The following PCDHGA2 variants were observed in gnomAD, a reference collection of about 807,000 sequenced individuals.
PCDHGA2 encodes protocadherin gamma subfamily A, 2.
PCDHGA2 carries 40 observed loss-of-function variants against 59.2 expected under a neutral mutation model. The ratio of observed to expected loss-of-function variants is 0.68; its 90% CI spans 0.52 to 0.88. PCDHGA2 has a LOEUF of 0.88. PCDHGA2 is among the 40% of genes least tolerant of loss of function. PCDHGA2 has a pLI of 0.00. For missense variants in PCDHGA2, 1,226 were observed against 1,204.0 expected (o/e 1.02, Z -0.27); for synonymous variants, 560 against 526.0 (o/e 1.06, Z -0.89).
chr5:141,432,717 C>T lies in PCDHGA2; in HGVS notation c.2425-62090C>T. On this transcript the variant is annotated intron_variant, in intron 1 of 3. Transcript: ENST00000394576. The surrounding 1 kb of genome is among the most constrained non-coding windows in gnomAD (Gnocchi z 6.0). ...GCCGTCCAGGACCACGGCCAGCCCC[C>T]TCTCTCCGCCACTGTCACGCTCACC... 1 of 1,614,030 alleles carries T rather than the reference C, an allele frequency of 6.2e-7. No individual in the cohort carries two copies. Among genetic ancestry groups the T allele is most frequent in the Non-Finnish European group, 8.5e-7 (1 of 1,179,978 alleles).
chr5:141,355,816 G>T (rs1759996030), intron 1 of PCDHGA2: 1 of 1,613,048 alleles, frequency 6.2e-7, no homozygotes, highest in South Asian at 1.1e-5. Context: ...CGAGGAAGAG[G>T]CGGTTCACCA....
intron 2 of PCDHGA2, 40 bp from the exon 3 acceptor site, chr5:141,505,353 G>T (rs376781305): frequency 1.7e-5 from 27 of 1,613,426 alleles, no homozygotes; most frequent in Non-Finnish European, 2.0e-5. Flanking sequence ...GAGCTGTGCC[G>T]GCCTGGGAGT....
At chr5:141,395,586 G>C (rs1222744910) in intron 1 of PCDHGA2, 1 of 169,736 alleles carries the variant, frequency 5.9e-6, no homozygotes, top group African/African-American at 2.8e-5. Context: ...GTGTGTGTGT[G>C]TGTGTATCCC....
At chr5:141,409,507 T>C (rs1220086382) in intron 1 of PCDHGA2, 3 of 1,613,982 alleles carry the variant, frequency 1.9e-6, no homozygotes, top group South Asian at 1.1e-5. Flanking sequence ...TTTCTTCCAG[T>C]AGAAGCATCA....
chr5:141,375,920 G>C, intron 1 of PCDHGA2: 1 of 1,613,748 alleles, frequency 6.2e-7, no homozygotes, highest in Non-Finnish European at 8.5e-7. Flanking sequence ...CAAGGCCAGC[G>C]AGCCAGGACT....
chr5:141,432,237 A>T lies in PCDHGA2; in HGVS notation c.2425-62570A>T. ...GCCCAGATCACTTATTCCCTGGCTG[A>T]GAACACCATCCAAGGGGCAAGCCTA... On this transcript the variant is annotated intron_variant, in intron 1 of 3. Transcript: ENST00000394576. The surrounding 1 kb of genome is among the most constrained non-coding windows in gnomAD (Gnocchi z 6.0). The T allele has an allele frequency of 2.5e-6, 4 of 1,614,224 alleles. No individual in the cohort carries two copies. Among genetic ancestry groups the T allele is most frequent in the Non-Finnish European group, 3.4e-6 (4 of 1,180,032 alleles).
intron 1 of PCDHGA2, among the ~76,000 whole-genome samples, chr5:141,447,779 A>T (rs770299374): frequency 2.0e-5 from 3 of 152,210 alleles, no homozygotes; most frequent in Non-Finnish European, 4.4e-5. Flanking sequence ...ACTTTAATTG[A>T]AAATAAATTT....
intron 3 of PCDHGA2, among the ~76,000 whole-genome samples, chr5:141,506,879 G>T (rs958969109): frequency 6.6e-6 from 1 of 152,172 alleles, no homozygotes; most frequent in Non-Finnish European, 1.5e-5. Flanking sequence ...AGAACCAGGT[G>T]AAATCACAAG....
chr5:141,376,002 A>G, intron 1 of PCDHGA2: 6 of 1,613,478 alleles, frequency 3.7e-6, no homozygotes, highest in Non-Finnish European at 5.1e-6. Flanking sequence ...GCGCTCAAGC[A>G]GAGCCTAGTG....
At chr5:141,372,206 G>C in intron 1 of PCDHGA2, 1 of 1,613,590 alleles carries the variant, frequency 6.2e-7, no homozygotes, top group East Asian at 2.2e-5. Flanking sequence ...ACGCCTGGCT[G>C]TCCTACCACA....
At position 141,390,587 on chromosome 5, in the gene PCDHGA2, A is replaced by G. The variant is rs1043489470; in HGVS notation, c.2424+49192A>G. The G allele has an allele frequency of 4.1e-5, 14 of 340,484 alleles. No homozygotes were observed. The Admixed American group carries it at 6.3e-4, about 15-fold the overall frequency. The allele number at this position is 340,484 out of a possible 1,614,324, so 21.1% of individuals were successfully genotyped here. A position where few individuals can be genotyped will look rare whatever the true frequency, so the allele number is the denominator to read the frequency against. Reference sequence around the variant, plus strand: ...TTGGCTCTCTCCTAAAAAGTGAATGAGATTTTTCCTATACATTTTCCTTCT... The same window carrying G: ...TTGGCTCTCTCCTAAAAAGTGAATGGGATTTTTCCTATACATTTTCCTTCT... On this transcript the variant is annotated intron_variant, in intron 1 of 3. Transcript: ENST00000394576.
Position 141,490,810 on chromosome 5 carries a change from T to C in PCDHGA2, c.2425-3997T>C, listed in dbSNP as rs2099704652. On this transcript the variant is annotated intron_variant, in intron 1 of 3. Transcript: ENST00000394576. This position sits in a 1 kb window ranked among gnomAD's most constrained non-coding sequence, Gnocchi z 5.4. ...GATCTTTGCCCAGCGTACCTTTGAC[T>C]ATGAATTGCTGCAGATGCTGCAGAT... 1 of 1,613,936 alleles carries C rather than the reference T, an allele frequency of 6.2e-7. No individual in the cohort carries two copies. Among genetic ancestry groups the C allele is most frequent in the Non-Finnish European group, 8.5e-7 (1 of 1,179,884 alleles).
intron 1 of PCDHGA2, 98 bp downstream of exon 1, chr5:141,341,493 G>C (rs760391490): frequency 1.3e-6 from 2 of 1,560,312 alleles, no homozygotes. Context: ...TTTCCTTGAG[G>C]GTAGAGTCAA....
Position 141,405,333 on chromosome 5 carries a change from C to T in PCDHGA2, c.2424+63938C>T, listed in dbSNP as rs1253133454. 29 of 1,614,086 alleles carry T rather than the reference C, an allele frequency of 1.8e-5. No homozygotes were observed. Among genetic ancestry groups the T allele is most frequent in the Non-Finnish European group, 2.5e-5 (29 of 1,180,034 alleles). ...GAGAAAAATGAGCCTTTGTGCGTCT[C>T]TGTTGATTCCAAGTTTCCTATAGAA... On this transcript the variant is annotated intron_variant, in intron 1 of 3. Coordinates refer to ENST00000394576, the MANE Select transcript of PCDHGA2 (RefSeq NM_018915.4).
chr5:141,365,177 AAT>A, intron 1 of PCDHGA2: 2 of 1,613,884 alleles, frequency 1.2e-6, no homozygotes, highest in Non-Finnish European at 1.7e-6. Flanking sequence ...CTCTTTTCGC[AAT>A]GAAGAAGAAA....
intron 1 of PCDHGA2, among the ~76,000 whole-genome samples, chr5:141,492,882 C>G (rs2099744816): frequency 6.6e-6 from 1 of 152,218 alleles, no homozygotes; most frequent in Admixed American, 6.5e-5. Context: ...CCCAGAGATA[C>G]AGGCTTTTGG....
At chr5:141,510,304 A>G (rs1030803209) in intron 3 of PCDHGA2, among the ~76,000 whole-genome samples, 1 of 151,732 alleles carries the variant, frequency 6.6e-6, no homozygotes, top group Non-Finnish European at 1.5e-5. Context: ...CTGTTTTGAA[A>G]TGGAGGCTTG....
At chr5:141,408,500 A>G in intron 1 of PCDHGA2, 1 of 1,614,018 alleles carries the variant, frequency 6.2e-7, no homozygotes, top group Non-Finnish European at 8.5e-7. Context: ...CAAAGAGAGA[A>G]GAAGATGTGA....
intron 1 of PCDHGA2, chr5:141,410,374 G>A: frequency 6.2e-7 from 1 of 1,613,976 alleles, no homozygotes; most frequent in Non-Finnish European, 8.5e-7. Flanking sequence ...CTGCTACTTG[G>A]GACTGCTTCC....
Sources: gnomAD v4.1 joint callset for allele counts (sites outside exome capture counted in the v4.1 genomes callset) on GRCh38, gnomAD v4.1.1 for gene constraint, Gnocchi (gnomAD v3.1) non-coding constraint, MANE v1.5 for transcripts, NCBI Gene and HGNC (gene_info 2026-07-23, HGNC 2026-07-21) for gene names.